CPEB1: variants seen among roughly 807,000 people sequenced by gnomAD.
CPEB1 encodes the protein cytoplasmic polyadenylation element binding protein 1, also known as cytoplasmic polyadenylation element-binding protein 1.
CPEB1 carries 7 observed loss-of-function variants against 65.8 expected under a neutral mutation model. The ratio of observed to expected loss-of-function variants is 0.11; its 90% CI spans 0.06 to 0.20. The LOEUF (loss-of-function observed/expected upper bound fraction) is 0.20. Among genes scored for constraint, CPEB1 ranks in the 10% least tolerant of loss-of-function variants. CPEB1 has a pLI of 1.00. For missense variants in CPEB1, 551 were observed against 712.2 expected (o/e 0.77, Z 2.58); for synonymous variants, 262 against 260.0 (o/e 1.01, Z -0.08).
intron 3 of CPEB1, among the ~76,000 whole-genome samples, chr15:82,606,612 A>T (rs1166887733): frequency 2.1e-5 from 1 of 48,678 alleles, no homozygotes; most frequent in African/African-American, 9.3e-5. Flanking sequence ...AGGTCAGGAG[A>T]TCGAGACCAT....
intron 4 of CPEB1, among the ~76,000 whole-genome samples, chr15:82,567,040 A>G (rs923543762): frequency 6.6e-6 from 1 of 152,194 alleles, no homozygotes; most frequent in African/African-American, 2.4e-5. Context: ...CATTCAAAAA[A>G]TATGTATTAG....
intron 3 of CPEB1, among the ~76,000 whole-genome samples, chr15:82,601,157 C>G (rs925976373): frequency 6.6e-6 from 1 of 151,026 alleles, no homozygotes; most frequent in Non-Finnish European, 1.5e-5. Context: ...CCGCCCCCAC[C>G]TCGACCTCCC....
chr15:82,548,310 G>C (rs574064094), intron 10 of CPEB1, among the ~76,000 whole-genome samples: 1 of 152,040 alleles, frequency 6.6e-6, no homozygotes, highest in Non-Finnish European at 1.5e-5. Context: ...ACTCCAGCAC[G>C]GCAACAGAGT....
At position 82,571,483 on chromosome 15, in the gene CPEB1, G is replaced by A. The variant is rs145659684; in HGVS notation, c.321C>T (p.Thr107=). ...ETVTSRMLFP[T]SAQESSRGLP... ...GGCCACGGGAAGATTCTTGCGCAGA[G>A]GTTGGGAAAAGCATCCTGCTTGTAA... The change falls in exon 4 of 13, where the codon ACC becomes ACT. Residue 107 remains threonine, a synonymous_variant. Transcript: ENST00000684509. 1 of 1,614,186 alleles carries A rather than the reference G, an allele frequency of 6.2e-7. No homozygotes were observed. Among genetic ancestry groups the A allele is most frequent in the African/African-American group, 1.3e-5 (1 of 75,050 alleles).
chr15:82,578,907 T>C (rs1474719019), intron 3 of CPEB1, among the ~76,000 whole-genome samples: 1 of 152,170 alleles, frequency 6.6e-6, no homozygotes, highest in Non-Finnish European at 1.5e-5. Context: ...TACTACAACC[T>C]CCACGTCCTA....
At chr15:82,562,165 T>C (rs1446849653) in intron 4 of CPEB1, 1 of 446,630 alleles carries the variant, frequency 2.2e-6, no homozygotes, top group Non-Finnish European at 4.5e-6. Context: ...TTTTTTTTTT[T>C]TTTTTAATCT....
chr15:82,573,070 A>G (rs1344759351), intron 3 of CPEB1: 10 of 1,535,448 alleles, frequency 6.5e-6, no homozygotes. Context: ...AAGGAGAAGC[A>G]AGCAGATACG....
chr15:82,604,973 T>C lies in CPEB1; in HGVS notation c.271+22220A>G, dbSNP rs117560116. Among the ~76,000 whole-genome samples the C allele has an allele frequency of 3.5e-4, 54 of 152,168 alleles. No individual in the cohort carries two copies. In the East Asian group the frequency reaches 6.8e-3, roughly 19 times the overall value. On this transcript the variant is annotated intron_variant, in intron 3 of 12. Coordinates refer to ENST00000684509, the MANE Select transcript of CPEB1 (RefSeq NM_001365242.1). ...ATTAAATGGTCAAAAGCCGGAGACA[T>C]AGAAAGGGCAAAACTGCAAGAGAGA...
At chr15:82,551,748 G>C (rs185596479) in intron 9 of CPEB1, among the ~76,000 whole-genome samples, 1 of 152,300 alleles carries the variant, frequency 6.6e-6, no homozygotes, top group East Asian at 1.9e-4. Context: ...CTCAAAACTT[G>C]CTTTGACAAG....
At chr15:82,619,512 CAAAGA>C (rs1464729018) in intron 3 of CPEB1, among the ~76,000 whole-genome samples, 1 of 151,992 alleles carries the variant, frequency 6.6e-6, no homozygotes, top group Non-Finnish European at 1.5e-5. Flanking sequence ...ATCACAGACT[CAAAGA>C]AAATAATTTT....
At chr15:82,614,879 G>GTGTATATA (rs368957489) in intron 3 of CPEB1, among the ~76,000 whole-genome samples, 4 of 113,314 alleles carry the variant, frequency 3.5e-5, no homozygotes, top group Admixed American at 9.0e-5. Flanking sequence ...GTGTGTGTGT[G>GTGTATATA]TATATATATA....
intron 4 of CPEB1, among the ~76,000 whole-genome samples, chr15:82,568,811 C>G (rs1049594986): frequency 6.6e-6 from 1 of 152,186 alleles, no homozygotes; most frequent in African/African-American, 2.4e-5. Context: ...TTATCTTAAT[C>G]AATGTTGTAC....
intron 3 of CPEB1, among the ~76,000 whole-genome samples, chr15:82,583,676 A>G (rs1298141867): frequency 6.6e-6 from 1 of 152,190 alleles, no homozygotes; most frequent in Non-Finnish European, 1.5e-5. Context: ...GGTACTTCTT[A>G]TAAGTGTATA....
At chr15:82,581,528 C>G (rs187017355) in intron 3 of CPEB1, among the ~76,000 whole-genome samples, 1 of 152,310 alleles carries the variant, frequency 6.6e-6, no homozygotes, top group East Asian at 1.9e-4. Context: ...GCACCACACT[C>G]TTTTCCCCAG....
intron 3 of CPEB1, among the ~76,000 whole-genome samples, chr15:82,578,309 A>C (rs1395321342): frequency 6.6e-6 from 1 of 152,238 alleles, no homozygotes; most frequent in African/African-American, 2.4e-5. Flanking sequence ...CGCAACTATC[A>C]GCCAGTAGAT....
At chr15:82,597,052 G>A (rs118004666) in intron 3 of CPEB1, among the ~76,000 whole-genome samples, 2,687 of 152,264 alleles carry the variant, frequency 0.018, 30 homozygotes, top group Non-Finnish European at 0.025. Context: ...GGCTGGGCAC[G>A]TTGGCTCACG....
chr15:82,552,412 C>T, intron 9 of CPEB1, 68 bp downstream of exon 9: 1 of 1,469,108 alleles, frequency 6.8e-7, no homozygotes, highest in Non-Finnish European at 9.0e-7. Context: ...TATCCACCTA[C>T]CACAAGAAAA....
At chr15:82,612,138 T>C (rs745955833) in intron 3 of CPEB1, among the ~76,000 whole-genome samples, 24 of 152,046 alleles carry the variant, frequency 1.6e-4, no homozygotes, top group Non-Finnish European at 3.1e-4. Flanking sequence ...GCCAATGAAT[T>C]TGAAAATTTA....
At chr15:82,596,926 C>T (rs1328140424) in intron 3 of CPEB1, among the ~76,000 whole-genome samples, 1 of 152,178 alleles carries the variant, frequency 6.6e-6, no homozygotes, top group Non-Finnish European at 1.5e-5. Context: ...ATAGCTTCCC[C>T]TTCATCCTCC....
Sources: gnomAD v4.1 joint callset for allele counts (sites outside exome capture counted in the v4.1 genomes callset) on GRCh38, gnomAD v4.1.1 for gene constraint, MANE v1.5 for transcripts, NCBI Gene and HGNC (gene_info 2026-07-23, HGNC 2026-07-21) for gene names.